PRRC2B: variants seen among roughly 807,000 people sequenced by gnomAD.
PRRC2B encodes proline rich coiled-coil 2B.
PRRC2B carries 68 observed loss-of-function variants against 242.3 expected under a neutral mutation model. The observed-to-expected ratio is 0.28, with a 90% CI of 0.23 to 0.34. The LOEUF is 0.34. Ranked by LOEUF, PRRC2B falls within the 10% of genes least tolerant of loss-of-function variation. The pLI, the probability that PRRC2B is intolerant of heterozygous loss-of-function variation, is 1.00. For missense variants in PRRC2B, 2,835 were observed against 2,954.8 expected, an observed-to-expected ratio of 0.96 and a Z score of 0.94; for synonymous variants, 1,228 against 1,173.6, an observed-to-expected ratio of 1.05 and a Z score of -0.95.
intron 5 of PRRC2B, among the ~76,000 whole-genome samples, chr9:131,442,781 A>G (rs1838643243): frequency 6.6e-6 from 1 of 152,230 alleles, no homozygotes; most frequent in Non-Finnish European, 1.5e-5. Flanking sequence ...AGTGTGCTGC[A>G]TATTCCAGAT....
Position 131,492,191 on chromosome 9 carries a change from G to T in PRRC2B, c.6404G>T (p.Gly2135Val). ...TAGCCCTCTCAGATGGAGATGAAAG[G>T]CTTCCACTTTGCCGACAGTAAACAG... ...SREPSQMEMK[G>V]FHFADSKQNV... is the part of the protein sequence containing the mutation. The change falls in exon 30 of 32, where the codon GGC (glycine) becomes GTC (valine). Residue 2135 changes from glycine to valine, a missense_variant. Gly to Val is a moderately radical substitution (Grantham distance 109). Around this residue, in one of 7 missense-constraint regions of PRRC2B, gnomAD observed 574 missense variants for 626.0 expected, o/e 0.92. Transcript: ENST00000683519. 6.2e-7 allele frequency: 1 copy of T among 1,613,838 alleles called. No homozygotes were observed. Among genetic ancestry groups the T allele is most frequent in the African/African-American group, 1.3e-5 (1 of 75,036 alleles).
chr9:131,430,386 G>C (rs1480706123), intron 2 of PRRC2B, 127 bp downstream of exon 2: 1 of 576,094 alleles, frequency 1.7e-6, no homozygotes, highest in East Asian at 2.9e-5. Context: ...TGTGCATGTA[G>C]AATCACTCTC....
In PRRC2B at chr9:131,476,531, A is replaced by G; in HGVS notation, c.4402A>G (p.Lys1468Glu). The G allele has an allele frequency of 6.3e-7, 1 of 1,585,724 alleles. No homozygotes were observed. Among genetic ancestry groups the G allele is most frequent in the Non-Finnish European group, 8.6e-7 (1 of 1,165,992 alleles). The change falls in exon 16 of 32, where the codon AAA becomes GAA. Residue 1468 changes from lysine (K) to glutamate (E), a missense_variant. By Grantham distance (56) the Lys-to-Glu change is moderately conservative. Around this residue, in one of 7 missense-constraint regions of PRRC2B, gnomAD observed 1,536 missense variants for 1,483.1 expected, o/e 1.04. Transcript: ENST00000683519. Reference protein sequence around the residue: ...SQQNGTPLKVKRSPDEALPGG... With the variant: ...SQQNGTPLKVERSPDEALPGG... ...ACAGAATGGGACGCCTTTGAAAGTG[A>G]AAAGGTAAAACCAGACACCATCTGG...
At chr9:131,478,036 A>G (rs960010284) in intron 17 of PRRC2B, 87 bp downstream of exon 17, 60 of 1,208,836 alleles carry the variant, frequency 5.0e-5, no homozygotes, top group Non-Finnish European at 6.7e-5. Flanking sequence ...TTGCCCTTGC[A>G]CTGAGTACCT....
rs1165485887 is a variant in PRRC2B, at chr9:131,396,325, CT to C, written c.-52+2082del. ...CCTTCCTTCTTTTTTCTTTTCTTTT[CT>C]TTTTTTTTTTTTTTTTTTTGAGACA... On this transcript the variant is annotated intron_variant, in intron 1 of 31. Transcript: ENST00000683519. Among the ~76,000 whole-genome samples, 1,003 of 132,874 alleles carry C rather than the reference CT, an allele frequency of 7.5e-3. 2 individuals are homozygous for C. The highest frequency in any genetic ancestry group is 0.024 in the African/African-American group (821 of 33,772). 87.2% of individuals were successfully genotyped at this position (132,874 alleles called of 152,430 possible).
chr9:131,468,520 G>A (rs1361113915), intron 13 of PRRC2B, among the ~76,000 whole-genome samples: 2 of 152,112 alleles, frequency 1.3e-5, no homozygotes, highest in Non-Finnish European at 1.5e-5. Context: ...GATAATGGTT[G>A]TAATTCCACC....
At chr9:131,384,664 C>T (rs1357527953) in intron 1 of PRRC2B, among the ~76,000 whole-genome samples, 4 of 151,476 alleles carry the variant, frequency 2.6e-5, no homozygotes, top group East Asian at 3.9e-4. Context: ...GTGATCCACC[C>T]GCCTCAGCCT....
At chr9:131,395,017 C>T (rs1167740424) in intron 1 of PRRC2B, among the ~76,000 whole-genome samples, 1 of 151,766 alleles carries the variant, frequency 6.6e-6, no homozygotes, top group African/African-American at 2.4e-5. Flanking sequence ...AGAAATTCAG[C>T]CCTGTTGAAA....
rs776230400 is a variant in PRRC2B at position 131,474,495 on chromosome 9, G to C, written c.2366G>C (p.Gly789Ala). The C allele has an allele frequency of 6.2e-7, 1 of 1,613,986 alleles. No homozygotes were observed. Among genetic ancestry groups the C allele is most frequent in the Non-Finnish European group, 8.5e-7 (1 of 1,179,876 alleles). ...TCTGCCTCACTCGGAAGGGCAGGGG[G>C]CGTAAGTGCTCAGCGCGATCTCTTT... ...SFSASLGRAG[G>A]VSAQRDLFEE... is the part of the protein sequence containing the mutation. The change falls in exon 16 of 32, where the codon GGC becomes GCC. Residue 789 changes from glycine (G) to alanine (A), a missense_variant. Coordinates refer to ENST00000683519, the MANE Select transcript of PRRC2B (RefSeq NM_013318.4).
At position 131,477,599 on chromosome 9, in the gene PRRC2B, A is replaced by G. The variant is rs1051610229; in HGVS notation, c.4407-145A>G. ...ACACGGACATGGATGCACTGTGGCCAGCCTGCCGCTCCTCCCCACCCGAGG... is the reference window on the plus strand; with the variant it reads ...ACACGGACATGGATGCACTGTGGCCGGCCTGCCGCTCCTCCCCACCCGAGG... On this transcript the variant is annotated intron_variant, in intron 16 of 31. Coordinates refer to ENST00000683519, the MANE Select transcript of PRRC2B (RefSeq NM_013318.4). 3.6e-5 allele frequency: 22 copies of G among 608,898 alleles called. No individual in the cohort carries two copies. In the East Asian group the frequency reaches 4.7e-4, roughly 13 times the overall value. 37.7% of individuals were successfully genotyped at this position (608,898 alleles called of 1,614,324 possible).
At chr9:131,453,767 A>G (rs377643319) in intron 9 of PRRC2B, among the ~76,000 whole-genome samples, 13 of 152,336 alleles carry the variant, frequency 8.5e-5, no homozygotes, top group African/African-American at 3.1e-4. Flanking sequence ...CTGGGCCTCA[A>G]GTGATCCTCC....
At position 131,482,418 on chromosome 9, in the gene PRRC2B, C is replaced by T. The variant is rs546587082; in HGVS notation, c.5031C>T (p.Ala1677=). 9 of 1,599,976 alleles carry T rather than the reference C, an allele frequency of 5.6e-6. No homozygotes were observed. The highest frequency in any genetic ancestry group is 4.0e-5 in the African/African-American group (3 of 74,704). Residue 1677 remains alanine (A), a synonymous_variant, in exon 21 of 32, where the codon GCC becomes GCT. Transcript: ENST00000683519. The surrounding 1 kb of genome is among the most constrained non-coding windows in gnomAD (Gnocchi z 5.2). ...GAGATAGTGGCGTTGACTTGAGTGCCGAGTCTCGGGAGTCGTCTGCGACCT... is the reference window on the plus strand; with the variant it reads ...GAGATAGTGGCGTTGACTTGAGTGCTGAGTCTCGGGAGTCGTCTGCGACCT... The part of the protein sequence containing the change: ...SQGDSGVDLS[A]ESRESSATSS...
At chr9:131,378,746 G>A (rs1836717696) in intron 1 of PRRC2B, among the ~76,000 whole-genome samples, 1 of 152,052 alleles carries the variant, frequency 6.6e-6, no homozygotes, top group Non-Finnish European at 1.5e-5. Flanking sequence ...TTGAGATACA[G>A]TCTTACTCTG....
rs565502527 is a variant in PRRC2B at position 131,381,533 on chromosome 9, C to T, written c.-56+7802C>T. ...TCCCGGGTTCACGCCATTCTCCTGC[C>T]TCAGCCTCCTGAGTAGTTGGGACTA... is the stretch of plus-strand genomic sequence containing the variant. On this transcript the variant is annotated intron_variant, in intron 1 of 1. Coordinates refer to the PRRC2B transcript ENST00000682525. Among the ~76,000 whole-genome samples, 138 of 150,644 alleles carry T rather than the reference C, an allele frequency of 9.2e-4. 2 individuals are homozygous for T. Among genetic ancestry groups the T allele is most frequent in the Non-Finnish European group, 1.8e-3 (119 of 67,796 alleles).
Position 131,475,600 on chromosome 9 carries a change from T to G in PRRC2B, c.3471T>G (p.Asn1157Lys), listed in dbSNP as rs748712730. The part of the protein sequence containing the change: ...RRRQRGSENG[N>K]EGSLLEREES... The stretch of plus-strand genomic sequence containing the variant: ...GGCAGAGGGGCTCCGAGAACGGGAA[T>G]GAAGGCTCGCTCCTGGAGAGGGAGG... Residue 1157 changes from asparagine (N) to lysine (K), a missense_variant, in exon 16 of 32, where the codon AAT (asparagine) becomes AAG (lysine). Coordinates refer to ENST00000683519, the MANE Select transcript of PRRC2B (RefSeq NM_013318.4). 1 of 1,612,524 alleles carries G rather than the reference T, an allele frequency of 6.2e-7. No homozygotes were observed. Among genetic ancestry groups the G allele is most frequent in the East Asian group, 2.2e-5 (1 of 44,844 alleles).
At chr9:131,419,705 A>G (rs925266318) in intron 1 of PRRC2B, among the ~76,000 whole-genome samples, 27 of 152,184 alleles carry the variant, frequency 1.8e-4, no homozygotes, top group African/African-American at 6.5e-4. Flanking sequence ...TTAACATGGT[A>G]TGTTCATCTT....
At chr9:131,414,724 C>A (rs1257382055) in intron 1 of PRRC2B, among the ~76,000 whole-genome samples, 1 of 151,868 alleles carries the variant, frequency 6.6e-6, no homozygotes, top group Non-Finnish European at 1.5e-5. Context: ...TGCCTGCCAC[C>A]ACGCCCAACT....
chr9:131,428,988 C>T (rs925510752), intron 1 of PRRC2B, among the ~76,000 whole-genome samples: 2 of 152,186 alleles, frequency 1.3e-5, no homozygotes, highest in East Asian at 1.9e-4. Flanking sequence ...TGCAGTCTCG[C>T]TCTGTCGCCT....
rs945529763 is a variant in PRRC2B, at chr9:131,435,825, G to C, written c.294-795G>C. Among the ~76,000 whole-genome samples the C allele has an allele frequency of 4.6e-5, 7 of 152,212 alleles. No individual in the cohort carries two copies. The South Asian group carries it at 1.5e-3, about 32-fold the overall frequency. ...AAAAGTCATAGAGCTTTATGTATGG[G>C]GTCACTCCACTTCTGTTAGAAAAAT... On this transcript the variant is annotated intron_variant, in intron 3 of 31. Transcript: ENST00000683519.
Sources: gnomAD v4.1 joint callset for allele counts (sites outside exome capture counted in the v4.1 genomes callset) on GRCh38, gnomAD v4.1.1 for gene constraint, gnomAD v4.1.1 regional missense constraint, Gnocchi (gnomAD v3.1) non-coding constraint, MANE v1.5 for transcripts, NCBI Gene and HGNC (gene_info 2026-07-23, HGNC 2026-07-21) for gene names.